Variants in APOL3 observed in about 807,000 individuals in gnomAD.
APOL3 encodes the protein TNF-inducible protein CG12-1.
A neutral mutation model predicts 11.6 loss-of-function variants in APOL3; 14 were observed. That is an observed-to-expected ratio of 1.21 (90% CI 0.80 to 1.89). APOL3 has a LOEUF of 1.89. Ranked by LOEUF, APOL3 falls within the 40% of genes most tolerant of loss-of-function variation. APOL3 has a pLI of 0.00. For synonymous variants in APOL3, 192 were observed against 190.6 expected, an observed-to-expected ratio of 1.01 and a Z score of -0.06; for missense variants, 483 against 492.1, an observed-to-expected ratio of 0.98 and a Z score of 0.17.
At chr22:36,148,042 A>T (rs1361169435) in intron 1 of APOL3, among the ~76,000 whole-genome samples, 1 of 152,244 alleles carries the variant, frequency 6.6e-6, no homozygotes, top group Non-Finnish European at 1.5e-5. Context: ...CAACAAATCA[A>T]ATAATGTCCT....
chr22:36,143,012 AC>A (rs1440488122), intron 2 of APOL3, among the ~76,000 whole-genome samples: 2 of 150,368 alleles, frequency 1.3e-5, no homozygotes, highest in African/African-American at 4.9e-5. Flanking sequence ...TTTAGCAGAA[AC>A]CCCCCATTCT....
chr22:36,154,695 T>C (rs968699705), intron 1 of APOL3: 1 of 467,614 alleles, frequency 2.1e-6, no homozygotes, highest in African/African-American at 2.0e-5. Context: ...TGTGAGCAAA[T>C]GAGACAGAGC....
At chr22:36,161,037 C>A, upstream of APOL3, 1 of 683,018 alleles carries the variant, frequency 1.5e-6, no homozygotes, top group South Asian at 1.8e-5. Context: ...CACTGAAAGA[C>A]TATGAGACCC....
intron 1 of APOL3, among the ~76,000 whole-genome samples, chr22:36,152,446 C>A (rs1035619651): frequency 2.0e-5 from 3 of 152,174 alleles, no homozygotes; most frequent in Middle Eastern, 3.4e-3. Context: ...TACTTGTTAC[C>A]AGTCAGTATA....
intron 1 of APOL3, 175 bp from the exon 2 acceptor site, chr22:36,149,317 A>AC: frequency 7.7e-7 from 1 of 1,306,120 alleles, no homozygotes; most frequent in Non-Finnish European, 1.0e-6. Context: ...GAGAAATTCT[A>AC]CTTGCTCCAG....
chr22:36,141,286 G>A, exon 3 of APOL3: 1 of 1,614,158 alleles, frequency 6.2e-7, no homozygotes, highest in East Asian at 2.2e-5. Flanking sequence ...TGCCGCCTCA[G>A]CTCCTCAGCA....
chr22:36,164,675 T>C (rs1603476194), upstream of APOL3: 1 of 152,214 alleles, frequency 6.6e-6, no homozygotes, highest in East Asian at 1.9e-4. Context: ...CCAGCTATTC[T>C]GGATCTACCC....
upstream of APOL3, among the ~76,000 whole-genome samples, chr22:36,162,196 C>G (rs2013739809): frequency 6.6e-6 from 1 of 152,160 alleles, no homozygotes; most frequent in Non-Finnish European, 1.5e-5. Context: ...CCTGTCACTG[C>G]AACAGCTCCT....
intron 1 of APOL3, chr22:36,156,841 G>GACCT (rs2012952732): frequency 2.3e-6 from 1 of 427,752 alleles, no homozygotes; most frequent in Admixed American, 2.5e-5. Flanking sequence ...CCCTATGACT[G>GACCT]ACCTGGGTGG....
exon 3 of APOL3, chr22:36,141,964 T>C: frequency 6.2e-7 from 1 of 1,614,238 alleles, no homozygotes; most frequent in Non-Finnish European, 8.5e-7. Context: ...AACCATTCCC[T>C]AAACTGCTCA....
At chr22:36,148,891 G>C (rs1267749798) in intron 1 of APOL3, among the ~76,000 whole-genome samples, 155 bp downstream of exon 2, 1 of 152,204 alleles carries the variant, frequency 6.6e-6, no homozygotes, top group Non-Finnish European at 1.5e-5. Context: ...CCTTGGGTCG[G>C]GGGACTCCAT....
rs751488190 is a variant in APOL3 at position 36,156,496 on chromosome 22, G to A, written c.223+4173C>T. ...TTCCTCACTGCTCCCTGCCCACACA[G>A]TCACCTTGGGTCCAGGTACACACTG... is the stretch of plus-strand genomic sequence containing the variant. On this transcript the variant is annotated intron_variant, in intron 1 of 2. Transcript: ENST00000349314. Among the ~76,000 whole-genome samples, 20 of 152,192 alleles carry A rather than the reference G, an allele frequency of 1.3e-4. No individual in the cohort carries two copies. The Middle Eastern group carries it at 0.014, about 104-fold the overall frequency.
At chr22:36,160,982 ACTTAGGGTTGGGGGTTTGCTGTGT>A, upstream of APOL3, 1 of 1,189,188 alleles carries the variant, frequency 8.4e-7, no homozygotes, top group Non-Finnish European at 1.2e-6. Flanking sequence ...TGCCTCCCAT[ACTTAGGGTTGGGGGTTTGCTGTGT>A]CTTCAGGAAG....
chr22:36,154,856 T>C (rs1041606593), intron 1 of APOL3, among the ~76,000 whole-genome samples: 1 of 152,210 alleles, frequency 6.6e-6, no homozygotes, highest in Non-Finnish European at 1.5e-5. Flanking sequence ...TCCCTCTCTC[T>C]AGATGAGATT....
chr22:36,160,560 T>C lies in APOL3; in HGVS notation c.223+109A>G. The C allele has an allele frequency of 1.7e-6, 2 of 1,171,560 alleles. 1 individual carries two copies. The allele number at this position is 1,171,560 out of a possible 1,614,324, so 72.6% of individuals were successfully genotyped here. On this transcript the variant is annotated intron_variant, in intron 1 of 2. Transcript: ENST00000349314. ...GCCATGGACCGAGATGTGACCTCAG[T>C]CAGTTACCTAACCTCTCTGAGCTCA...
Position 36,142,065 on chromosome 22 carries a change from C to T in APOL3, c.351-7G>A. On this transcript the variant is annotated splice_polypyrimidine_tract_variant and splice_region_variant and intron_variant, in intron 2 of 2. Coordinates refer to ENST00000349314, the Ensembl canonical transcript of APOL3. Reference sequence around the variant, plus strand: ...GAGAGCATCTGCCTCATCCCTGTACCAATAAAGGACAGATGATTAAGAAAG... The same window carrying T: ...GAGAGCATCTGCCTCATCCCTGTACTAATAAAGGACAGATGATTAAGAAAG... 6.3e-7 allele frequency: 1 copy of T among 1,590,218 alleles called. No homozygotes were observed. The highest frequency in any genetic ancestry group is 2.2e-5 in the East Asian group (1 of 44,730).
chr22:36,165,754 A>G (rs2013844275), upstream of APOL3: 2 of 152,174 alleles, frequency 1.3e-5, no homozygotes, highest in African/African-American at 4.8e-5. Flanking sequence ...GCTACAAGAG[A>G]GCAAAAAAGA....
Position 36,158,442 on chromosome 22 carries a change from C to T in APOL3, c.223+2227G>A, listed in dbSNP as rs537357550. Among the ~76,000 whole-genome samples, 54 of 152,254 alleles carry T rather than the reference C, an allele frequency of 3.5e-4. 2 individuals are homozygous for T. In the South Asian group the frequency reaches 0.01, roughly 29 times the overall value. ...AGGGGCTTTAGAGGGTGCCATGCAG[C>T]GTTGTTTCTATCACCAAAAAGGGAG... is the stretch of plus-strand genomic sequence containing the variant. On this transcript the variant is annotated intron_variant, in intron 1 of 2. Transcript: ENST00000349314.
chr22:36,146,446 C>G (rs2060223339), intron 1 of APOL3: 1 of 152,056 alleles, frequency 6.6e-6, no homozygotes, highest in African/African-American at 2.4e-5. Context: ...GAAAATAGTT[C>G]ATTTTGTCAA....
Sources: allele counts gnomAD v4.1 joint callset (sites outside exome capture counted in the v4.1 genomes callset), GRCh38; gene constraint gnomAD v4.1.1; transcripts MANE v1.5; gene names NCBI Gene and HGNC (gene_info 2026-07-23, HGNC 2026-07-21).